The following DGKH variants were observed in gnomAD, a reference collection of about 807,000 sequenced individuals.
The protein encoded by DGKH is DAG kinase eta.
Under a neutral mutation model 159.3 loss-of-function variants are expected in DGKH, and 90 were observed. The ratio of observed to expected loss-of-function variants is 0.57; its 90% confidence interval spans 0.48 to 0.67. The LOEUF is 0.67. Among genes scored for constraint, DGKH ranks in the 30% least tolerant of loss-of-function variants. The pLI is 0.00. For missense variants in DGKH, 1,181 were observed against 1,506.1 expected (o/e 0.78, Z 3.57); for synonymous variants, 536 against 553.8 (o/e 0.97, Z 0.45).
At chr13:42,179,881 G>A (rs746911823) in intron 13 of DGKH, among the ~76,000 whole-genome samples, 53 of 152,188 alleles carry the variant, frequency 3.5e-4, no homozygotes, top group Non-Finnish European at 5.4e-4. Flanking sequence ...AGAAAAAGGG[G>A]TGGCTACTCT....
intron 1 of DGKH, among the ~76,000 whole-genome samples, chr13:42,123,642 A>T (rs1386524328): frequency 2.0e-5 from 3 of 152,244 alleles, no homozygotes; most frequent in Non-Finnish European, 2.9e-5. Flanking sequence ...AAGATGCAAA[A>T]ATAGGAAAAC....
chr13:42,144,992 C>A (rs527293922), intron 3 of DGKH, among the ~76,000 whole-genome samples: 186 of 152,306 alleles, frequency 1.2e-3, no homozygotes, highest in African/African-American at 4.2e-3. Context: ...TGTGCCATGG[C>A]ATTGATTCTT....
rs1193015241 is a variant in DGKH, at chr13:42,207,058, C to CTTCTTTCCTTCT, written c.2601+915_2601+916insTTTCCTTCTTTC. Among the ~76,000 whole-genome samples, 23 of 27,898 alleles carry CTTCTTTCCTTCT rather than the reference C, an allele frequency of 8.2e-4. 1 individual carries two copies. The highest frequency in any genetic ancestry group is 2.7e-3 in the African/African-American group (23 of 8,464). 18.3% of individuals were successfully genotyped at this position (27,898 alleles called of 152,430 possible). On this transcript the variant is annotated intron_variant, in intron 21 of 29. Transcript: ENST00000337343. ...CTTTCTTTCCTTCTTTCCTTCTTTCCTTCCTTCTTTCTTTCTTTCTTTCTT... is the reference window on the plus strand; with the variant it reads ...CTTTCTTTCCTTCTTTCCTTCTTTCCTTCTTTCCTTCTTTCCTTCTTTCTTTCTTTCTTTCTT...
intron 20 of DGKH, among the ~76,000 whole-genome samples, chr13:42,201,420 CT>C (rs1343819880): frequency 3.9e-5 from 6 of 152,238 alleles, no homozygotes; most frequent in Non-Finnish European, 7.4e-5. Context: ...TTATTAAGTG[CT>C]GTGATCAAGC....
At chr13:42,070,343 C>T (rs1289090246) in intron 1 of DGKH, 1 of 1,414,184 alleles carries the variant, frequency 7.1e-7, no homozygotes, top group East Asian at 2.3e-5. Flanking sequence ...TCATGTGCAA[C>T]AGGAATAGAT....
At chr13:42,183,382 C>T (rs899138776) in intron 13 of DGKH, among the ~76,000 whole-genome samples, 2 of 151,952 alleles carry the variant, frequency 1.3e-5, no homozygotes, top group African/African-American at 4.8e-5. Flanking sequence ...ACCTAAATCA[C>T]AAGAGCACAA....
chr13:42,207,690 A>C (rs915332223), intron 21 of DGKH, among the ~76,000 whole-genome samples: 2 of 36,716 alleles, frequency 5.4e-5, no homozygotes, highest in African/African-American at 2.7e-4. Context: ...CAATTATTAA[A>C]GTGTGTATAT....
At position 42,229,233 on chromosome 13, in the gene DGKH, T is replaced by C. The variant is rs375231170; in HGVS notation, c.*45T>C. ...TGGAAGAGAAGTTATTGCCACTTAATACAAAGTCCTTGGAAGCAAGTGGCT... is the reference window on the plus strand; with the variant it reads ...TGGAAGAGAAGTTATTGCCACTTAACACAAAGTCCTTGGAAGCAAGTGGCT... On this transcript the variant is annotated 3_prime_UTR_variant, in exon 30 of 30. Coordinates refer to ENST00000337343, the MANE Select transcript of DGKH (RefSeq NM_178009.5). 4 of 1,555,594 alleles carry C rather than the reference T, an allele frequency of 2.6e-6. No homozygotes were observed. Among genetic ancestry groups the C allele is most frequent in the Non-Finnish European group, 3.5e-6 (4 of 1,140,586 alleles).
rs534280565 is a variant in DGKH, at chr13:42,201,839, C to T, written c.2493+1930C>T. ...AATCTAATGGCATGTCTAATAAATA[C>T]CATAACTTCAAAGTGATGATGAACT... On this transcript the variant is annotated intron_variant, in intron 20 of 29. Transcript: ENST00000337343. 1.3e-4 allele frequency among the ~76,000 whole-genome samples: 20 copies of T among 152,196 alleles called. 1 individual carries two copies. The South Asian group carries it at 3.9e-3, about 30-fold the overall frequency.
At chr13:42,183,966 A>G (rs1014895525) in intron 13 of DGKH, among the ~76,000 whole-genome samples, 3 of 152,220 alleles carry the variant, frequency 2.0e-5, no homozygotes, top group African/African-American at 7.2e-5. Context: ...TCTGTGTACA[A>G]AAGTTTCAGA....
At chr13:42,220,906 A>G (rs1366110330) in intron 28 of DGKH, among the ~76,000 whole-genome samples, 2 of 152,232 alleles carry the variant, frequency 1.3e-5, no homozygotes, top group Non-Finnish European at 2.9e-5. Context: ...CCGTTTTCAT[A>G]CAGGGTCTGA....
At chr13:42,110,630 C>T (rs563069684) in intron 1 of DGKH, among the ~76,000 whole-genome samples, 3 of 81,714 alleles carry the variant, frequency 3.7e-5, no homozygotes, top group Non-Finnish European at 7.9e-5. Flanking sequence ...CCATTTACAA[C>T]ACAGTTACAC....
At chr13:42,105,779 C>T (rs746192229) in intron 1 of DGKH, among the ~76,000 whole-genome samples, 1 of 152,140 alleles carries the variant, frequency 6.6e-6, no homozygotes, top group Non-Finnish European at 1.5e-5. Flanking sequence ...GAAATCCTTT[C>T]TAGATCTTAA....
At chr13:42,069,109 G>T (rs1882787443) in intron 1 of DGKH, 1 of 1,398,216 alleles carries the variant, frequency 7.2e-7, no homozygotes. Context: ...CCTCACTGTT[G>T]TTCAGAAATC....
At chr13:42,106,239 C>A (rs1954752718) in intron 1 of DGKH, among the ~76,000 whole-genome samples, 1 of 152,120 alleles carries the variant, frequency 6.6e-6, no homozygotes, top group Admixed American at 6.5e-5. Flanking sequence ...AACTCCTGAC[C>A]TCAGGTGATT....
intron 3 of DGKH, among the ~76,000 whole-genome samples, chr13:42,136,525 T>G (rs1317597110): frequency 6.6e-6 from 1 of 152,266 alleles, no homozygotes; most frequent in Non-Finnish European, 1.5e-5. Flanking sequence ...AAGATTAGGC[T>G]AACTCTTAAA....
In DGKH at chr13:42,234,041, A is replaced by G. The variant is rs1331761762; in HGVS notation, c.*4853A>G. ...TGCTAGATTTAGATCTGTTTTCCTT[A>G]CACTCACTTATCTTGATGTTCACAT... On this transcript the variant is annotated 3_prime_UTR_variant, in exon 30 of 30. Transcript: ENST00000337343. 1 of 152,228 alleles carries G rather than the reference A, an allele frequency of 6.6e-6. No homozygotes were observed. The highest frequency in any genetic ancestry group is 1.9e-4 in the East Asian group (1 of 5,206). 9.4% of individuals were successfully genotyped at this position (152,228 alleles called of 1,614,324 possible).
At chr13:42,207,019 CTTT>C (rs1957499185) in intron 21 of DGKH, among the ~76,000 whole-genome samples, 1 of 140,880 alleles carries the variant, frequency 7.1e-6, no homozygotes, top group Admixed American at 7.4e-5. Flanking sequence ...TTCTTTCTTT[CTTT>C]CTTTTTCTTT....
At chr13:42,200,310 G>A (rs966945506) in intron 20 of DGKH, among the ~76,000 whole-genome samples, 7 of 152,156 alleles carry the variant, frequency 4.6e-5, no homozygotes, top group African/African-American at 1.2e-4. Context: ...TTAAATATAC[G>A]TTTATTTTTT....
Sources: allele counts gnomAD v4.1 joint callset (sites outside exome capture counted in the v4.1 genomes callset), GRCh38; gene constraint gnomAD v4.1.1; transcripts MANE v1.5; gene names NCBI Gene and HGNC (gene_info 2026-07-23, HGNC 2026-07-21).